Variants in MYL10 observed in about 807,000 individuals in gnomAD.
MYL10 encodes the protein myosin regulatory light chain 10.
A neutral mutation model predicts 21.9 loss-of-function variants in MYL10; 18 were observed. The observed-to-expected ratio is 0.82, with a 90% CI of 0.57 to 1.22. The LOEUF (loss-of-function observed/expected upper bound fraction) is 1.22, where lower values mean the gene tolerates loss of function less well. MYL10 is among the 50% of genes most tolerant of loss of function. MYL10 has a pLI of 0.00. For missense variants in MYL10, 225 were observed against 230.4 expected, an observed-to-expected ratio of 0.98 and a Z score of 0.15; for synonymous variants, 88 against 82.8, an observed-to-expected ratio of 1.06 and a Z score of -0.34.
intron 6 of MYL10, among the ~76,000 whole-genome samples, chr7:101,614,892 G>A (rs1041459680): frequency 5.3e-5 from 8 of 152,110 alleles, no homozygotes; most frequent in African/African-American, 1.7e-4. Flanking sequence ...AATTGATCAG[G>A]AAGCCTGGGC....
chr7:101,616,533 T>C (rs192995915), intron 5 of MYL10, among the ~76,000 whole-genome samples: 2 of 152,310 alleles, frequency 1.3e-5, no homozygotes, highest in Admixed American at 1.3e-4. Context: ...GTACCACATA[T>C]ATATATTTTG....
intron 5 of MYL10, 69 bp from the exon 6 acceptor site, chr7:101,616,367 C>G (rs907953866): frequency 1.5e-6 from 2 of 1,318,334 alleles, no homozygotes; most frequent in African/African-American, 2.9e-5. Flanking sequence ...AGGCACAAGG[C>G]TGGGCAGGGG....
At chr7:101,613,884 C>T (rs879874690) in intron 6 of MYL10, among the ~76,000 whole-genome samples, 174 bp from the exon 7 acceptor site, 2 of 152,064 alleles carry the variant, frequency 1.3e-5, no homozygotes, top group Admixed American at 1.3e-4. Flanking sequence ...TTCTGAACCT[C>T]GGTTTTCTCC....
At chr7:101,613,602 C>A in intron 7 of MYL10, 29 bp from the exon 8 acceptor site, 1 of 1,613,698 alleles carries the variant, frequency 6.2e-7, no homozygotes, top group Non-Finnish European at 8.5e-7. Flanking sequence ...TCAGCCTGCA[C>A]CAGGCCAAGT....
In MYL10 at chr7:101,615,832, C is replaced by T. The variant is rs1297580040; in HGVS notation, c.533+388G>A. Among the ~76,000 whole-genome samples the T allele has an allele frequency of 4.0e-5, 6 of 151,070 alleles. No homozygotes were observed. The Admixed American group carries it at 4.0e-4, about 10-fold the overall frequency. ...GCCTCAGCCACCAGAGTAGCTGGGA[C>T]TACAGGCATGCACCACCATGCCTGG... On this transcript the variant is annotated intron_variant, in intron 6 of 7. Transcript: ENST00000223167.
chr7:101,623,012 T>G lies in MYL10; in HGVS notation c.334A>C (p.Thr112Pro). 1 of 1,613,934 alleles carries G rather than the reference T, an allele frequency of 6.2e-7. No individual in the cohort carries two copies. The highest frequency in any genetic ancestry group is 2.2e-5 in the East Asian group (1 of 44,856). The change falls in exon 4 of 8, where the codon ACC becomes CCC. Residue 112 changes from threonine (T) to proline (P), a missense_variant. Physicochemically the swap from Thr to Pro is conservative, Grantham distance 38. Transcript: ENST00000223167. ...GCTCACCCACCCAGCGCGGCAAAGGTGTCCCTCAAGTCCTCTTTGTCGATG... is the reference window on the plus strand; with the variant it reads ...GCTCACCCACCCAGCGCGGCAAAGGGGTCCCTCAAGTCCTCTTTGTCGATG... Reference protein sequence around the residue: ...GFIDKEDLRDTFAALGRINVK... With the variant: ...GFIDKEDLRDPFAALGRINVK...
chr7:101,620,834 G>C (rs1233578437), intron 5 of MYL10, among the ~76,000 whole-genome samples: 1 of 150,074 alleles, frequency 6.7e-6, no homozygotes, highest in Non-Finnish European at 1.5e-5. Flanking sequence ...TGTCACCCAG[G>C]CTGGAGTGCA....
chr7:101,616,301 A>G lies in MYL10; in HGVS notation c.455-3T>C, dbSNP rs1796608970. Reference sequence around the variant, plus strand: ...AATGGTCTCCTCTGGGTCCGTGCCTATAAGCAGCACATACAGGGCAGGGAG... The same window carrying G: ...AATGGTCTCCTCTGGGTCCGTGCCTGTAAGCAGCACATACAGGGCAGGGAG... On this transcript the variant is annotated splice_region_variant and splice_polypyrimidine_tract_variant and intron_variant, in intron 5 of 7. Coordinates refer to ENST00000223167, the MANE Select transcript of MYL10 (RefSeq NM_138403.5). 6 of 1,613,312 alleles carry G rather than the reference A, an allele frequency of 3.7e-6. No homozygotes were observed. Among genetic ancestry groups the G allele is most frequent in the Non-Finnish European group, 4.2e-6 (5 of 1,179,298 alleles).
In MYL10 at chr7:101,622,147, C is replaced by T. The variant is rs377349397; in HGVS notation, c.403G>A (p.Gly135Arg). The T allele has an allele frequency of 1.4e-5, 22 of 1,613,498 alleles. No individual in the cohort carries two copies. The highest frequency in any genetic ancestry group is 4.5e-5 in the East Asian group (2 of 44,838). The change falls in exon 5 of 8, where the codon GGA (glycine) becomes AGA (arginine). Residue 135 changes from glycine (G) to arginine (R), a missense_variant. Physicochemically the swap from Gly to Arg is moderately radical, Grantham distance 125 (BLOSUM62 -2). Coordinates refer to ENST00000223167, the MANE Select transcript of MYL10 (RefSeq NM_138403.5). The stretch of plus-strand genomic sequence containing the variant: ...AGGAACACCGTGAAGTTGATGGGTC[C>T]GGGGGCCTCCTTCACCATGGCCTCC... ...ELEAMVKEAP[G>R]PINFTVFLTM...
chr7:101,617,804 C>T (rs1796625976), intron 5 of MYL10, among the ~76,000 whole-genome samples: 1 of 152,034 alleles, frequency 6.6e-6, no homozygotes, highest in Non-Finnish European at 1.5e-5. Flanking sequence ...ATCTGTGTCT[C>T]CCCGATCAGA....
At chr7:101,628,434 C>T (rs1173188348) in intron 1 of MYL10, among the ~76,000 whole-genome samples, 3 of 151,958 alleles carry the variant, frequency 2.0e-5, no homozygotes, top group South Asian at 2.1e-4. Flanking sequence ...CCAGCCTGGG[C>T]GACAGAGTGA....
Position 101,613,412 on chromosome 7 carries a change from G to A in MYL10, c.*63C>T. ...TTTCCTGCAGCCTCTGGCTGCAAGA[G>A]CTCCCTGTCACACCCCACAACAGTG... On this transcript the variant is annotated 3_prime_UTR_variant, in exon 8 of 8. Coordinates refer to ENST00000223167, the MANE Select transcript of MYL10 (RefSeq NM_138403.5). The A allele has an allele frequency of 1.4e-6, 2 of 1,403,830 alleles. No individual in the cohort carries two copies. Among genetic ancestry groups the A allele is most frequent in the South Asian group, 2.3e-5 (2 of 86,236 alleles). The allele number at this position is 1,403,830 out of a possible 1,614,324, so 87.0% of individuals were successfully genotyped here. A position where few individuals can be genotyped will look rare whatever the true frequency, so the allele number is the denominator to read the frequency against.
At chr7:101,628,255 A>T (rs1025426581) in intron 1 of MYL10, among the ~76,000 whole-genome samples, 2 of 151,370 alleles carry the variant, frequency 1.3e-5, no homozygotes, top group Non-Finnish European at 3.0e-5. Flanking sequence ...GGAGTTCAAG[A>T]CCAGCCTGGG....
rs767057916 is a variant in MYL10 at position 101,614,602 on chromosome 7, C to T, written c.534-892G>A. 6.6e-5 allele frequency among the ~76,000 whole-genome samples: 10 copies of T among 152,104 alleles called. No individual in the cohort carries two copies. The East Asian group carries it at 7.7e-4, about 12-fold the overall frequency. On this transcript the variant is annotated intron_variant, in intron 6 of 7. Coordinates refer to ENST00000223167, the MANE Select transcript of MYL10 (RefSeq NM_138403.5). ...GTAGAGGGAGGGCTTGGGGTTACTC[C>T]GGGGGTGACTCTGATGCCTCCCCAG... is the stretch of plus-strand genomic sequence containing the variant.
In MYL10 at chr7:101,613,712, TG is replaced by T; in HGVS notation, c.534-3del. 1 of 1,614,030 alleles carries T rather than the reference TG, an allele frequency of 6.2e-7. No homozygotes were observed. The highest frequency in any genetic ancestry group is 1.7e-5 in the Admixed American group (1 of 60,006). On this transcript the variant is annotated splice_polypyrimidine_tract_variant and splice_region_variant and intron_variant, in intron 6 of 7. Transcript: ENST00000223167. ...TGGGTCATAAGTTTTTCTTTGATGCTGTTCAAGGGAGAGACACAGTCATGTT... is the reference window on the plus strand; with the variant it reads ...TGGGTCATAAGTTTTTCTTTGATGCTTTCAAGGGAGAGACACAGTCATGTT...
At chr7:101,616,148 CCATCCA>C in intron 6 of MYL10, 66 bp downstream of exon 6, 1 of 1,326,664 alleles carries the variant, frequency 7.5e-7, no homozygotes, top group Non-Finnish European at 1.1e-6. Context: ...GACTGGGCGA[CCATCCA>C]CCCTGACCCC....
At chr7:101,619,449 C>G (rs1246251139) in intron 5 of MYL10, among the ~76,000 whole-genome samples, 1 of 152,220 alleles carries the variant, frequency 6.6e-6, no homozygotes, top group African/African-American at 2.4e-5. Context: ...CCTTCTGGCT[C>G]TGGATCTGCC....
In MYL10 at chr7:101,624,276, C is replaced by A; in HGVS notation, c.79-12G>T. 1 of 1,608,008 alleles carries A rather than the reference C, an allele frequency of 6.2e-7. No individual in the cohort carries two copies. Among genetic ancestry groups the A allele is most frequent in the Non-Finnish European group, 8.5e-7 (1 of 1,177,470 alleles). On this transcript the variant is annotated splice_polypyrimidine_tract_variant and intron_variant, in intron 1 of 7. Transcript: ENST00000223167. The stretch of plus-strand genomic sequence containing the variant: ...GCTCTTCTCGGTGCCTGCGAGGTAG[C>A]AGACAAGGCCTTGCAGCGGCCCCTG...
intron 1 of MYL10, among the ~76,000 whole-genome samples, chr7:101,628,785 G>C (rs1796775043): frequency 6.6e-6 from 1 of 152,240 alleles, no homozygotes; most frequent in Non-Finnish European, 1.5e-5. Flanking sequence ...GAGCTTAACT[G>C]TCCCTGGAGC....
Sources: gnomAD v4.1 joint callset for allele counts (sites outside exome capture counted in the v4.1 genomes callset) on GRCh38, gnomAD v4.1.1 for gene constraint, MANE v1.5 for transcripts, NCBI Gene and HGNC (gene_info 2026-07-23, HGNC 2026-07-21) for gene names.